The following DBF4B variants were observed in gnomAD, a reference collection of about 807,000 sequenced individuals.
DBF4B encodes protein DBF4 homolog B.
Under a neutral mutation model 53.4 loss-of-function variants are expected in DBF4B, and 49 were observed. The ratio of observed to expected loss-of-function variants is 0.92; its 90% CI spans 0.73 to 1.16. DBF4B has a LOEUF of 1.16. DBF4B is among the 50% of genes most tolerant of loss of function. The pLI, the probability that DBF4B is intolerant of heterozygous loss-of-function variation, is 0.00. For synonymous variants in DBF4B, 257 were observed against 288.7 expected, an observed-to-expected ratio of 0.89 and a Z score of 1.11; for missense variants, 692 against 775.0, an observed-to-expected ratio of 0.89 and a Z score of 1.27.
chr17:44,732,112 C>G, intron 5 of DBF4B, 66 bp from the exon 6 acceptor site: 1 of 1,537,242 alleles, frequency 6.5e-7, no homozygotes, highest in Admixed American at 1.8e-5. Context: ...CAATTTCTAT[C>G]TGTCCCCTTC....
intron 2 of DBF4B, among the ~76,000 whole-genome samples, chr17:44,719,577 A>G (rs6503400): frequency 0.16 from 24,242 of 152,190 alleles, 1,962 homozygotes; most frequent in Middle Eastern, 0.22. Flanking sequence ...TTCACTTAGC[A>G]TAATGCTTTT....
intron 3 of DBF4B, among the ~76,000 whole-genome samples, chr17:44,725,718 A>C (rs1315236569): frequency 2.0e-4 from 15 of 76,216 alleles, no homozygotes; most frequent in Middle Eastern, 0.01. Context: ...AGGGGGCCAC[A>C]CTCAGTCACA....
intron 3 of DBF4B, among the ~76,000 whole-genome samples, chr17:44,727,283 G>T (rs1974445152): frequency 6.6e-6 from 1 of 151,542 alleles, no homozygotes; most frequent in African/African-American, 2.4e-5. Context: ...GCAGGGCATG[G>T]TAGCACGCAC....
intron 7 of DBF4B, 152 bp downstream of exon 7, chr17:44,734,315 G>T: frequency 1.1e-6 from 1 of 935,518 alleles, no homozygotes; most frequent in African/African-American, 1.6e-5. Context: ...CTCAGTCCTA[G>T]TGCCCATAGC....
intron 10 of DBF4B, among the ~76,000 whole-genome samples, chr17:44,746,361 T>C (rs1976597495): frequency 6.6e-6 from 1 of 151,936 alleles, no homozygotes; most frequent in Non-Finnish European, 1.5e-5. Context: ...GGGGAGACAT[T>C]CAGGGTGGAA....
intron 7 of DBF4B, among the ~76,000 whole-genome samples, chr17:44,734,937 G>A (rs772925347): frequency 1.1e-4 from 17 of 152,156 alleles, no homozygotes; most frequent in Non-Finnish European, 1.6e-4. Context: ...AACCCCGACT[G>A]TGCTAAAAAT....
At chr17:44,737,374 G>A (rs1975555705) in intron 8 of DBF4B, among the ~76,000 whole-genome samples, 1 of 152,206 alleles carries the variant, frequency 6.6e-6, no homozygotes, top group Non-Finnish European at 1.5e-5. Flanking sequence ...ACAAGCAGGA[G>A]CTAAGAAAAG....
chr17:44,737,799 C>G (rs760937137), intron 8 of DBF4B, among the ~76,000 whole-genome samples: 1 of 152,120 alleles, frequency 6.6e-6, no homozygotes, highest in Non-Finnish European at 1.5e-5. Context: ...TCAGATTTTA[C>G]CTGTGATATT....
At chr17:44,741,501 T>G (rs1255370504) in intron 10 of DBF4B, 49 bp downstream of exon 10, 2 of 1,310,630 alleles carry the variant, frequency 1.5e-6, no homozygotes, top group Non-Finnish European at 2.1e-6. Flanking sequence ...CAGGCCAAAG[T>G]CCTCCCCATC....
At chr17:44,725,705 AAG>A (rs1047566381) in intron 3 of DBF4B, among the ~76,000 whole-genome samples, 2 of 39,612 alleles carry the variant, frequency 5.0e-5, no homozygotes, top group African/African-American at 4.8e-4. Flanking sequence ...TTTTTTTTTT[AAG>A]AGGGGGCCAC....
intron 8 of DBF4B, among the ~76,000 whole-genome samples, chr17:44,737,951 A>G (rs1042457741): frequency 1.3e-5 from 2 of 152,162 alleles, no homozygotes; most frequent in African/African-American, 4.8e-5. Context: ...AGGCTCCAGA[A>G]GCAAAGGGCT....
chr17:44,743,107 G>C (rs1402037122), intron 10 of DBF4B, among the ~76,000 whole-genome samples: 2 of 152,242 alleles, frequency 1.3e-5, no homozygotes, highest in Non-Finnish European at 2.9e-5. Context: ...AGGGATACCA[G>C]GGAGAGCCAG....
At chr17:44,710,976 ATTTTTTTT>A (rs10522434) in intron 2 of DBF4B, among the ~76,000 whole-genome samples, 19 of 98,286 alleles carry the variant, frequency 1.9e-4, no homozygotes, top group Admixed American at 6.7e-4. Context: ...TTCCAGTTTG[ATTTTTTTT>A]TTTTTTTTTT....
chr17:44,747,275 C>G (rs2049128825), intron 11 of DBF4B, 84 bp downstream of exon 11: 1 of 1,594,226 alleles, frequency 6.3e-7, no homozygotes, highest in Non-Finnish European at 8.6e-7. Context: ...CCTATGCGAT[C>G]TCTATGCTGC....
Position 44,722,918 on chromosome 17 carries a change from C to A in DBF4B, c.121C>A (p.Pro41Thr), listed in dbSNP as rs145794455. The change falls in exon 3 of 14, where the codon CCA becomes ACA. Residue 41 changes from proline (P) to threonine (T), a missense_variant. Around this residue, in one of 3 missense-constraint regions of DBF4B, gnomAD observed 66 missense variants for 51.3 expected, o/e 1.29. Coordinates refer to ENST00000315005, the MANE Select transcript of DBF4B (RefSeq NM_145663.3). ...RCLGKCQKNS[P>T]GARKHPFSGK... ...TCTAGGAAAATGCCAGAAGAACTCA[C>A]CAGGTGCCAGGAAGCATCCCTTTTC... is the stretch of plus-strand genomic sequence containing the variant. The A allele has an allele frequency of 6.2e-7, 1 of 1,614,190 alleles. No individual in the cohort carries two copies. Among genetic ancestry groups the A allele is most frequent in the South Asian group, 1.1e-5 (1 of 91,084 alleles).
At chr17:44,729,232 G>A (rs1974608391) in intron 3 of DBF4B, among the ~76,000 whole-genome samples, 1 of 149,682 alleles carries the variant, frequency 6.7e-6, no homozygotes. Flanking sequence ...TTAGAGACAG[G>A]ATTTCACTCC....
intron 12 of DBF4B, among the ~76,000 whole-genome samples, chr17:44,747,961 C>A (rs764656527): frequency 6.6e-5 from 10 of 152,230 alleles, no homozygotes; most frequent in Non-Finnish European, 1.5e-4. Flanking sequence ...AAGGCAGACC[C>A]TCTCCCACCT....
chr17:44,751,419 T>C lies in DBF4B; in HGVS notation c.*166T>C, dbSNP rs1326410670. 1 of 1,428,970 alleles carries C rather than the reference T, an allele frequency of 7.0e-7. No individual in the cohort carries two copies. Among genetic ancestry groups the C allele is most frequent in the Non-Finnish European group, 9.1e-7 (1 of 1,097,268 alleles). 88.5% of individuals were successfully genotyped at this position (1,428,970 alleles called of 1,614,324 possible). ...GACTTTTACCCAGACCCAGTGGGCA[T>C]TGCCTTATCTTGCAGTCAGTCCCTT... On this transcript the variant is annotated 3_prime_UTR_variant, in exon 14 of 14. Transcript: ENST00000315005.
At chr17:44,748,733 A>G (rs911739046) in intron 13 of DBF4B, 1 of 1,370,324 alleles carries the variant, frequency 7.3e-7, no homozygotes, top group Non-Finnish European at 9.6e-7. Flanking sequence ...GGCAGTGCTA[A>G]GAAGAGAGTG....
Sources: gnomAD v4.1 joint callset for allele counts (sites outside exome capture counted in the v4.1 genomes callset) on GRCh38, gnomAD v4.1.1 for gene constraint, gnomAD v4.1.1 regional missense constraint, MANE v1.5 for transcripts, NCBI Gene and HGNC (gene_info 2026-07-23, HGNC 2026-07-21) for gene names.